The following AGAP1 variants were observed in gnomAD, a reference collection of about 807,000 sequenced individuals.
The protein encoded by AGAP1 is arf-GAP with GTPase, ANK repeat and PH domain-containing protein 1.
AGAP1 carries 29 observed loss-of-function variants against 105.3 expected under a neutral mutation model. That is an observed-to-expected ratio of 0.28 (90% CI 0.21 to 0.38). The LOEUF is 0.38. Among genes scored for constraint, AGAP1 ranks in the 10% least tolerant of loss-of-function variants. AGAP1 has a pLI of 1.00. For missense variants in AGAP1, 998 were observed against 1,165.1 expected (o/e 0.86, Z 2.09); for synonymous variants, 509 against 485.9 (o/e 1.05, Z -0.63).
At chr2:235,571,422 G>T (rs950833023) in intron 1 of AGAP1, among the ~76,000 whole-genome samples, 2 of 152,198 alleles carry the variant, frequency 1.3e-5, no homozygotes, top group African/African-American at 4.8e-5. Flanking sequence ...AGTTCCTTGG[G>T]CACACTAGCC....
Position 235,599,593 on chromosome 2 carries a change from G to A in AGAP1, c.163+104744G>A, listed in dbSNP as rs1945659842. On this transcript the variant is annotated intron_variant, in intron 1 of 17. Transcript: ENST00000304032. The surrounding 1 kb of genome is among the most constrained non-coding windows in gnomAD (Gnocchi z 5.3). ...TGGTCACTCTGCTTTGGAGAACTGC[G>A]GATCCCCTGCCATGGCCCATGTGGC... 1.3e-5 allele frequency among the ~76,000 whole-genome samples: 2 copies of A among 152,292 alleles called. No individual in the cohort carries two copies. Among genetic ancestry groups the A allele is most frequent in the South Asian group, 4.1e-4 (2 of 4,824 alleles).
Position 235,883,367 on chromosome 2 carries a change from G to C in AGAP1, c.1073G>C (p.Gly358Ala). The C allele has an allele frequency of 3.7e-6, 6 of 1,614,010 alleles. No homozygotes were observed. Among genetic ancestry groups the C allele is most frequent in the Non-Finnish European group, 5.1e-6 (6 of 1,179,984 alleles). The change falls in exon 10 of 18, where the codon GGC becomes GCC. Residue 358 changes from glycine to alanine, a missense_variant. Physicochemically the swap from Gly to Ala is moderately conservative, Grantham distance 60. Around this residue, in one of 3 missense-constraint regions of AGAP1, gnomAD observed 735 missense variants for 833.4 expected, o/e 0.88. Coordinates refer to ENST00000304032, the MANE Select transcript of AGAP1 (RefSeq NM_001037131.3). The surrounding 1 kb of genome is among the most constrained non-coding windows in gnomAD (Gnocchi z 4.5). ...IKQGMLLKRS[G>A]KSLNKEWKKK... is the part of the protein sequence containing the mutation. ...TAGGGCATGCTGTTGAAGCGAAGTG[G>C]CAAATCGTTGAATAAAGAGTGGAAA...
At chr2:235,856,539 T>C (rs1438039422) in intron 9 of AGAP1, among the ~76,000 whole-genome samples, 2 of 152,202 alleles carry the variant, frequency 1.3e-5, no homozygotes, top group Non-Finnish European at 2.9e-5. Context: ...AGCAGTAGAC[T>C]CAAACCGAAG....
At chr2:235,630,456 C>G (rs1022600174) in intron 1 of AGAP1, among the ~76,000 whole-genome samples, 3 of 152,206 alleles carry the variant, frequency 2.0e-5, no homozygotes, top group Non-Finnish European at 4.4e-5. Flanking sequence ...GGTGATCCAC[C>G]TGCCTCGGCC....
rs917787235 is a variant in AGAP1, at chr2:235,608,360, G to A, written c.164-100819G>A. On this transcript the variant is annotated intron_variant, in intron 1 of 17. Coordinates refer to ENST00000304032, the MANE Select transcript of AGAP1 (RefSeq NM_001037131.3). The surrounding 1 kb of genome is among the most constrained non-coding windows in gnomAD (Gnocchi z 5.4). ...GTAATCTGGCTCTGGGAGGAAACTC[G>A]CTGATTGGAGACTAGCTGAGAGGGC... 3.3e-5 allele frequency among the ~76,000 whole-genome samples: 5 copies of A among 152,166 alleles called. No individual in the cohort carries two copies. The highest frequency in any genetic ancestry group is 1.2e-4 in the African/African-American group (5 of 41,438).
At chr2:235,923,096 G>T (rs1333577267) in intron 11 of AGAP1, among the ~76,000 whole-genome samples, 1 of 152,116 alleles carries the variant, frequency 6.6e-6, no homozygotes, top group African/African-American at 2.4e-5. Context: ...CCGTAGATGG[G>T]GTATTTGAGG....
Position 235,747,301 on chromosome 2 carries a change from A to G in AGAP1, c.538+2462A>G, listed in dbSNP as rs771505964. On this transcript the variant is annotated intron_variant, in intron 5 of 17. Transcript: ENST00000304032. This position sits in a 1 kb window ranked among gnomAD's most constrained non-coding sequence, Gnocchi z 5.0. ...TGAAGTTGAAGTCCTTGAGTAAAAGAAAGTACCCCCATTTATTCCCATGAA... is the reference window on the plus strand; with the variant it reads ...TGAAGTTGAAGTCCTTGAGTAAAAGGAAGTACCCCCATTTATTCCCATGAA... Among the ~76,000 whole-genome samples, 4 of 152,130 alleles carry G rather than the reference A, an allele frequency of 2.6e-5. No individual in the cohort carries two copies. The highest frequency in any genetic ancestry group is 5.9e-5 in the Non-Finnish European group (4 of 68,010).
At position 235,732,797 on chromosome 2, in the gene AGAP1, G is replaced by T. The variant is rs1005912367; in HGVS notation, c.311-8166G>T. On this transcript the variant is annotated intron_variant, in intron 3 of 17. Transcript: ENST00000304032. This position sits in a 1 kb window ranked among gnomAD's most constrained non-coding sequence, Gnocchi z 4.8. ...GGAGCCCGTGACCGCCCTGCTTCCT[G>T]TGGTGGGAGAAGGTGAGGGAGAGGA... Among the ~76,000 whole-genome samples, 1 of 152,194 alleles carries T rather than the reference G, an allele frequency of 6.6e-6. No individual in the cohort carries two copies. The highest frequency in any genetic ancestry group is 1.9e-4 in the East Asian group (1 of 5,180).
chr2:235,566,933 G>A lies in AGAP1; in HGVS notation c.163+72084G>A, dbSNP rs904758439. On this transcript the variant is annotated intron_variant, in intron 1 of 17. Coordinates refer to ENST00000304032, the MANE Select transcript of AGAP1 (RefSeq NM_001037131.3). This position sits in a 1 kb window ranked among gnomAD's most constrained non-coding sequence, Gnocchi z 5.2. ...AGCAGGATTCCTCCTAGCCTTTTCC[G>A]GCCTCTGGTGGCCCCTGGCAATCCT... 2.0e-5 allele frequency among the ~76,000 whole-genome samples: 3 copies of A among 152,156 alleles called. No individual in the cohort carries two copies. Among genetic ancestry groups the A allele is most frequent in the African/African-American group, 4.8e-5 (2 of 41,444 alleles).
At chr2:235,670,269 C>A (rs1448629839) in intron 1 of AGAP1, 11 of 452,546 alleles carry the variant, frequency 2.4e-5, no homozygotes, top group Non-Finnish European at 4.2e-5. Context: ...GTTCGGCGGC[C>A]CCGGCCCGCG....
At chr2:235,987,678 C>T (rs1218986369) in intron 13 of AGAP1, among the ~76,000 whole-genome samples, 3 of 152,078 alleles carry the variant, frequency 2.0e-5, no homozygotes, top group Non-Finnish European at 4.4e-5. Flanking sequence ...ACTGTTTTAG[C>T]GGTATCCCAG....
intron 9 of AGAP1, among the ~76,000 whole-genome samples, chr2:235,871,412 C>T (rs2049431507): frequency 6.6e-6 from 1 of 152,192 alleles, no homozygotes; most frequent in Non-Finnish European, 1.5e-5. Context: ...ACCCATCCCC[C>T]TGCGTGGGGT....
chr2:236,069,866 T>C (rs182373109), intron 16 of AGAP1, among the ~76,000 whole-genome samples: 37 of 152,406 alleles, frequency 2.4e-4, no homozygotes, highest in African/African-American at 8.4e-4. Flanking sequence ...TGCTTATCTT[T>C]ATTTTCTAAT....
rs1248733509 is a variant in AGAP1 at position 236,036,775 on chromosome 2, A to G, written c.1800+60A>G. The G allele has an allele frequency of 6.2e-7, 1 of 1,600,774 alleles. No individual in the cohort carries two copies. Among genetic ancestry groups the G allele is most frequent in the East Asian group, 2.2e-5 (1 of 44,844 alleles). On this transcript the variant is annotated intron_variant, in intron 14 of 17. Transcript: ENST00000304032. The surrounding 1 kb of genome is among the most constrained non-coding windows in gnomAD (Gnocchi z 5.7). The stretch of plus-strand genomic sequence containing the variant: ...GCTGCTCAGGGGGAGTGCGGGCCCC[A>G]AGTAATGCCCCAGGGAGGAGAAAAT...
At chr2:236,071,459 G>A (rs2058495000) in intron 16 of AGAP1, among the ~76,000 whole-genome samples, 1 of 152,180 alleles carries the variant, frequency 6.6e-6, no homozygotes, top group South Asian at 2.1e-4. Flanking sequence ...CTGACCCCAA[G>A]GATACATACA....
intron 11 of AGAP1, among the ~76,000 whole-genome samples, chr2:235,921,494 T>C (rs75965524): frequency 0.024 from 3,637 of 152,290 alleles, 62 homozygotes; most frequent in Non-Finnish European, 0.035. Flanking sequence ...ATTTTTTTCC[T>C]TGACATCATA....
chr2:235,729,807 ACTTGTCACCT>A lies in AGAP1; in HGVS notation c.311-11152_311-11143del, dbSNP rs1212050109. Among the ~76,000 whole-genome samples the A allele has an allele frequency of 6.6e-6, 1 of 152,164 alleles. No homozygotes were observed. Among genetic ancestry groups the A allele is most frequent in the Non-Finnish European group, 1.5e-5 (1 of 68,042 alleles). ...TACCAAAGATGAGACTACAGCAGCG[ACTTGTCACCT>A]CTTCCGTGTTGCTACTGCCTGAGAA... is the stretch of plus-strand genomic sequence containing the variant. On this transcript the variant is annotated intron_variant, in intron 3 of 17. Coordinates refer to ENST00000304032, the MANE Select transcript of AGAP1 (RefSeq NM_001037131.3). This position sits in a 1 kb window ranked among gnomAD's most constrained non-coding sequence, Gnocchi z 5.0.
At chr2:235,837,719 G>A (rs1254877771) in intron 9 of AGAP1, among the ~76,000 whole-genome samples, 1 of 152,186 alleles carries the variant, frequency 6.6e-6, no homozygotes, top group Non-Finnish European at 1.5e-5. Flanking sequence ...GTAACCACAT[G>A]TAAACACTAG....
chr2:236,057,268 C>T (rs1234925258), intron 16 of AGAP1, among the ~76,000 whole-genome samples: 1 of 152,120 alleles, frequency 6.6e-6, no homozygotes, highest in African/African-American at 2.4e-5. Context: ...GCCAACACAC[C>T]CAATTAATTT....
Sources: gnomAD v4.1 joint callset for allele counts (sites outside exome capture counted in the v4.1 genomes callset) on GRCh38, gnomAD v4.1.1 for gene constraint, gnomAD v4.1.1 regional missense constraint, Gnocchi (gnomAD v3.1) non-coding constraint, MANE v1.5 for transcripts, NCBI Gene and HGNC (gene_info 2026-07-23, HGNC 2026-07-21) for gene names.